The following CPVL variants were observed in gnomAD, a reference collection of about 807,000 sequenced individuals.
The protein encoded by CPVL is probable serine carboxypeptidase CPVL.
CPVL carries 51 observed loss-of-function variants against 63.7 expected under a neutral mutation model. The observed-to-expected ratio is 0.80, with a 90% CI of 0.64 to 1.01. The LOEUF (loss-of-function observed/expected upper bound fraction) is 1.01. Among genes scored for constraint, CPVL ranks in the 50% least tolerant of loss-of-function variants. CPVL has a pLI of 0.00. For missense variants in CPVL, 530 were observed against 573.1 expected, an observed-to-expected ratio of 0.92 and a Z score of 0.77; for synonymous variants, 195 against 206.0, an observed-to-expected ratio of 0.95 and a Z score of 0.46.
In CPVL at chr7:29,121,056, A is replaced by G; in HGVS notation, c.6T>C (p.Val2=). 6.2e-7 allele frequency: 1 copy of G among 1,600,784 alleles called. No individual in the cohort carries two copies. The highest frequency in any genetic ancestry group is 8.5e-7 in the Non-Finnish European group (1 of 1,175,808). The part of the protein sequence containing the change: M[V]GAMWKVIVSL... Reference sequence around the variant, plus strand: ...AAACAATCACCTTCCACATGGCACCAACCATCTCTCAGGGTCTAGGATAAA... The same window carrying G: ...AAACAATCACCTTCCACATGGCACCGACCATCTCTCAGGGTCTAGGATAAA... The change falls in exon 2 of 13, where the codon GTT becomes GTC. Residue 2 remains valine, a synonymous_variant. Transcript: ENST00000265394.
intron 3 of CPVL, among the ~76,000 whole-genome samples, chr7:29,100,589 T>C (rs1027335883): frequency 2.0e-5 from 3 of 152,066 alleles, no homozygotes; most frequent in African/African-American, 4.8e-5. Context: ...CTCAGAAAAA[T>C]AGCCTGACCC....
chr7:29,068,625 C>G (rs935395796), intron 9 of CPVL, among the ~76,000 whole-genome samples: 1 of 151,868 alleles, frequency 6.6e-6, no homozygotes, highest in East Asian at 1.9e-4. Context: ...ATGGAGGCAT[C>G]TGCCTGCCCC....
rs58104618 is a variant in CPVL, at chr7:28,996,066, A to G, written c.1321-184T>C. On this transcript the variant is annotated intron_variant, in intron 12 of 12. Coordinates refer to ENST00000265394, the MANE Select transcript of CPVL (RefSeq NM_031311.5). ...GATGGCTTTTGTAACAGGCATGTTAAGGTAGAAAAGTTTTAAAGCTTAGTT... is the reference window on the plus strand; with the variant it reads ...GATGGCTTTTGTAACAGGCATGTTAGGGTAGAAAAGTTTTAAAGCTTAGTT... The G allele has an allele frequency of 1.2e-5, 6 of 507,838 alleles. No homozygotes were observed. The Admixed American group carries it at 1.6e-4, about 13-fold the overall frequency. The allele number at this position is 507,838 out of a possible 1,614,324, so 31.5% of individuals were successfully genotyped here. A position where few individuals can be genotyped will look rare whatever the true frequency, so the allele number is the denominator to read the frequency against.
chr7:29,099,755 A>G (rs971336549), intron 3 of CPVL, among the ~76,000 whole-genome samples: 8 of 152,262 alleles, frequency 5.3e-5, no homozygotes, highest in Non-Finnish European at 1.0e-4. Flanking sequence ...ATGAAAATCA[A>G]TGACAGCCTT....
At chr7:29,131,152 C>G (rs1208241345) in intron 1 of CPVL, among the ~76,000 whole-genome samples, 1 of 151,658 alleles carries the variant, frequency 6.6e-6, no homozygotes, top group African/African-American at 2.4e-5. Flanking sequence ...GCCTGGGCAA[C>G]AGAGTGAGAC....
intron 5 of CPVL, among the ~76,000 whole-genome samples, chr7:29,174,198 A>T (rs1006329777): frequency 1.3e-5 from 2 of 152,098 alleles, no homozygotes; most frequent in Non-Finnish European, 2.9e-5. Flanking sequence ...TGCTCCTCTC[A>T]TGGGAGCAAA....
intron 11 of CPVL, among the ~76,000 whole-genome samples, chr7:29,037,928 C>A (rs1232286724): frequency 6.6e-6 from 1 of 152,188 alleles, no homozygotes; most frequent in Non-Finnish European, 1.5e-5. Context: ...ATAGCTACAT[C>A]CCACAGCTGT....
At chr7:29,063,500 G>C (rs1782826685) in intron 11 of CPVL, among the ~76,000 whole-genome samples, 1 of 152,342 alleles carries the variant, frequency 6.6e-6, no homozygotes, top group South Asian at 2.1e-4. Flanking sequence ...AAGAAAGGAT[G>C]AGAAGTGGTG....
intron 5 of CPVL, among the ~76,000 whole-genome samples, chr7:29,171,080 G>A (rs762116166): frequency 1.3e-5 from 2 of 152,076 alleles, no homozygotes; most frequent in African/African-American, 4.8e-5. Flanking sequence ...ATTAAAAAAC[G>A]ACTTTATGAG....
At chr7:29,026,532 G>C (rs1031840704) in intron 12 of CPVL, among the ~76,000 whole-genome samples, 1 of 150,824 alleles carries the variant, frequency 6.6e-6, no homozygotes, top group Non-Finnish European at 1.5e-5. Context: ...AAATACAAAG[G>C]ATCAATGAAA....
At chr7:29,102,205 T>C (rs1317267408) in intron 3 of CPVL, among the ~76,000 whole-genome samples, 1 of 152,142 alleles carries the variant, frequency 6.6e-6, no homozygotes, top group Non-Finnish European at 1.5e-5. Flanking sequence ...CGTCCTCTGA[T>C]TGAAAATATG....
rs755882331 is a variant in CPVL, at chr7:29,072,297, C to T, written c.732+4G>A. The T allele has an allele frequency of 6.2e-7, 1 of 1,613,900 alleles. No homozygotes were observed. The highest frequency in any genetic ancestry group is 8.5e-7 in the Non-Finnish European group (1 of 1,179,920). The stretch of plus-strand genomic sequence containing the variant: ...AAAATAGAAAGTCAGAAGGAGAAAC[C>T]TACTGATTCGGGATCAGAATATCCA... On this transcript the variant is annotated splice_donor_region_variant and intron_variant, in intron 8 of 12. Transcript: ENST00000265394.
chr7:29,082,455 C>T (rs187385536), intron 7 of CPVL: 59 of 152,244 alleles, frequency 3.9e-4, no homozygotes, highest in African/African-American at 1.3e-3. Context: ...TGCCACATGG[C>T]CTTAAAACAG....
intron 1 of CPVL, among the ~76,000 whole-genome samples, chr7:29,142,332 C>T (rs1258910178): frequency 6.6e-6 from 1 of 152,114 alleles, no homozygotes; most frequent in Non-Finnish European, 1.5e-5. Flanking sequence ...CATTCCCATT[C>T]AACCACCCCT....
chr7:29,168,129 G>C (rs906316749), intron 5 of CPVL, among the ~76,000 whole-genome samples: 1 of 152,184 alleles, frequency 6.6e-6, no homozygotes, highest in African/African-American at 2.4e-5. Context: ...TCTCATTGTG[G>C]TTTTAATTTG....
intron 1 of CPVL, among the ~76,000 whole-genome samples, chr7:29,136,058 A>G (rs1791191532): frequency 6.6e-6 from 1 of 152,006 alleles, no homozygotes; most frequent in African/African-American, 2.4e-5. Flanking sequence ...ACTAGGACTG[A>G]AGAGGGGAAG....
intron 5 of CPVL, among the ~76,000 whole-genome samples, chr7:29,157,493 CTCTT>C (rs1412219490): frequency 1.3e-5 from 2 of 152,206 alleles, no homozygotes; most frequent in Admixed American, 6.5e-5. Context: ...TATTCACAGT[CTCTT>C]TCATGGACCC....
intron 3 of CPVL, among the ~76,000 whole-genome samples, chr7:29,109,372 C>G (rs1447753876): frequency 6.6e-6 from 1 of 152,172 alleles, no homozygotes; most frequent in African/African-American, 2.4e-5. Flanking sequence ...CTTCCTGGAT[C>G]TCTTATTTTC....
chr7:29,139,242 G>A (rs540402666), intron 1 of CPVL, among the ~76,000 whole-genome samples: 7 of 152,246 alleles, frequency 4.6e-5, no homozygotes, highest in African/African-American at 1.2e-4. Flanking sequence ...GTATATCCTT[G>A]GGCAAGCCAA....
Sources: allele counts gnomAD v4.1 joint callset (sites outside exome capture counted in the v4.1 genomes callset), GRCh38; gene constraint gnomAD v4.1.1; transcripts MANE v1.5; gene names NCBI Gene and HGNC (gene_info 2026-07-23, HGNC 2026-07-21).